The following PHACTR1 variants were observed in gnomAD, a reference collection of about 807,000 sequenced individuals.
PHACTR1 encodes the protein RPEL repeat containing 1.
In PHACTR1, 16 loss-of-function variants were observed where a neutral mutation model predicts 69.2. The observed-to-expected ratio is 0.23, with a 90% CI of 0.16 to 0.35. The LOEUF (loss-of-function observed/expected upper bound fraction) is 0.35, where lower values mean the gene tolerates loss of function less well. Ranked by LOEUF, PHACTR1 falls within the 10% of genes least tolerant of loss-of-function variation. PHACTR1 has a pLI of 1.00. For missense variants in PHACTR1, 510 were observed against 734.7 expected (o/e 0.69, Z 3.54); for synonymous variants, 312 against 284.5 (o/e 1.10, Z -0.97).
intron 3 of PHACTR1, among the ~76,000 whole-genome samples, chr6:12,738,770 A>G (rs1276269312): frequency 1.3e-5 from 2 of 152,164 alleles, no homozygotes; most frequent in African/African-American, 4.8e-5. Context: ...GGGCTGAGGC[A>G]GGAGAATCCC....
intron 10 of PHACTR1, among the ~76,000 whole-genome samples, chr6:13,264,648 G>A (rs535199082): frequency 6.6e-6 from 1 of 152,298 alleles, no homozygotes; most frequent in African/African-American, 2.4e-5. Flanking sequence ...GAACCTGGGA[G>A]GCAGAGGTTG....
At chr6:12,821,952 A>C (rs1374892687) in intron 4 of PHACTR1, among the ~76,000 whole-genome samples, 1 of 152,194 alleles carries the variant, frequency 6.6e-6, no homozygotes, top group Non-Finnish European at 1.5e-5. Context: ...CTTTGAAAGG[A>C]AACTTTGGGG....
At chr6:12,947,848 T>C (rs1042272182) in intron 4 of PHACTR1, among the ~76,000 whole-genome samples, 6 of 152,226 alleles carry the variant, frequency 3.9e-5, no homozygotes, top group Non-Finnish European at 8.8e-5. Flanking sequence ...TCTGAAAACT[T>C]TATGAGGCAG....
chr6:12,825,984 TG>T (rs1250864384), intron 4 of PHACTR1, among the ~76,000 whole-genome samples: 2 of 152,206 alleles, frequency 1.3e-5, no homozygotes, highest in Non-Finnish European at 2.9e-5. Flanking sequence ...ATTACAGTTT[TG>T]TTTGTATTTT....
intron 7 of PHACTR1, among the ~76,000 whole-genome samples, chr6:13,202,635 A>G (rs1765390029): frequency 6.6e-6 from 1 of 152,014 alleles, no homozygotes; most frequent in Non-Finnish European, 1.5e-5. Flanking sequence ...CTGCCACCAC[A>G]CCCAGCTAAT....
At chr6:12,971,259 A>C (rs1794162030) in intron 4 of PHACTR1, among the ~76,000 whole-genome samples, 1 of 152,156 alleles carries the variant, frequency 6.6e-6, no homozygotes, top group African/African-American at 2.4e-5. Flanking sequence ...CCGTAGGGTT[A>C]GTCTTTCTTT....
At chr6:12,778,322 G>T (rs1770355735) in intron 4 of PHACTR1, among the ~76,000 whole-genome samples, 1 of 152,204 alleles carries the variant, frequency 6.6e-6, no homozygotes. Context: ...TGTGGCAGAA[G>T]ATGTTGTTTG....
At chr6:12,726,157 C>G (rs1214484294) in intron 3 of PHACTR1, among the ~76,000 whole-genome samples, 1 of 152,098 alleles carries the variant, frequency 6.6e-6, no homozygotes, top group South Asian at 2.1e-4. Context: ...TAAGAATATA[C>G]AGCAGGGAAA....
chr6:13,146,563 G>A (rs956056798), intron 5 of PHACTR1, among the ~76,000 whole-genome samples: 1 of 152,116 alleles, frequency 6.6e-6, no homozygotes, highest in African/African-American at 2.4e-5. Flanking sequence ...AAAGCAAGCC[G>A]CCAAGCAGGC....
rs1168426666 is a variant in PHACTR1, at chr6:13,121,383, C to T, written c.416-38821C>T. Among the ~76,000 whole-genome samples the T allele has an allele frequency of 2.6e-5, 4 of 152,220 alleles. No individual in the cohort carries two copies. The East Asian group carries it at 7.7e-4, about 29-fold the overall frequency. ...CCCAATCACTTTCTGCCTCAGTTTT[C>T]CCCTCTGTAAAATGGTAATATAGTA... On this transcript the variant is annotated intron_variant, in intron 5 of 14. Coordinates refer to ENST00000332995, the MANE Select transcript of PHACTR1 (RefSeq NM_030948.6).
chr6:13,033,566 G>T (rs751532786), intron 4 of PHACTR1, among the ~76,000 whole-genome samples: 16 of 152,208 alleles, frequency 1.1e-4, no homozygotes, highest in Non-Finnish European at 2.2e-4. Context: ...AGAATTTAAG[G>T]CAACTGTATA....
chr6:12,737,304 G>A (rs1764392360), intron 3 of PHACTR1, among the ~76,000 whole-genome samples: 1 of 151,934 alleles, frequency 6.6e-6, no homozygotes, highest in Non-Finnish European at 1.5e-5. Context: ...CTATAGTATA[G>A]TTATAGGACC....
chr6:13,111,369 G>A (rs911336199), intron 5 of PHACTR1, among the ~76,000 whole-genome samples: 2 of 151,948 alleles, frequency 1.3e-5, no homozygotes, highest in Non-Finnish European at 2.9e-5. Flanking sequence ...TTATTGCTAT[G>A]CTTGAATTTG....
chr6:12,924,032 A>G (rs1437397206), intron 4 of PHACTR1, among the ~76,000 whole-genome samples: 1 of 152,238 alleles, frequency 6.6e-6, no homozygotes, highest in Non-Finnish European at 1.5e-5. Context: ...TAATTTACTA[A>G]TTCAATCTTG....
chr6:12,995,449 T>C (rs1165771594), intron 4 of PHACTR1, among the ~76,000 whole-genome samples: 3 of 151,670 alleles, frequency 2.0e-5, no homozygotes, highest in South Asian at 2.1e-4. Context: ...AATGAAACAA[T>C]AGGCAAATAT....
At chr6:13,058,511 G>C (rs1807138736) in intron 5 of PHACTR1, among the ~76,000 whole-genome samples, 4 of 152,144 alleles carry the variant, frequency 2.6e-5, no homozygotes, top group African/African-American at 9.7e-5. Flanking sequence ...ATAGCCATGA[G>C]CCAAACCAGA....
At chr6:13,091,988 C>T (rs1448467864) in intron 5 of PHACTR1, among the ~76,000 whole-genome samples, 3 of 152,060 alleles carry the variant, frequency 2.0e-5, no homozygotes, top group South Asian at 2.1e-4. Flanking sequence ...TTAGTAGAGA[C>T]GGGGTTTCAC....
In PHACTR1 at chr6:12,850,855, TTG is replaced by T. The variant is rs1407835521; in HGVS notation, c.250+101067_250+101068del. ...TCTTCTCTCCTTATAAGAACACCAATTGTATTGGATCAGGTCCCACCTTCATG... is the reference window on the plus strand; with the variant it reads ...TCTTCTCTCCTTATAAGAACACCAATTATTGGATCAGGTCCCACCTTCATG... On this transcript the variant is annotated intron_variant, in intron 4 of 14. Transcript: ENST00000332995. Among the ~76,000 whole-genome samples the T allele has an allele frequency of 3.5e-3, 529 of 152,272 alleles. 3 individuals carry two copies. The highest frequency in any genetic ancestry group is 0.011 in the African/African-American group (470 of 41,558).
At chr6:13,163,550 G>A (rs1295408559) in intron 6 of PHACTR1, among the ~76,000 whole-genome samples, 1 of 152,166 alleles carries the variant, frequency 6.6e-6, no homozygotes, top group Non-Finnish European at 1.5e-5. Context: ...GAAGAGACAG[G>A]CTAAAATGAA....
Sources: gnomAD v4.1 joint callset for allele counts (sites outside exome capture counted in the v4.1 genomes callset) on GRCh38, gnomAD v4.1.1 for gene constraint, MANE v1.5 for transcripts, NCBI Gene and HGNC (gene_info 2026-07-23, HGNC 2026-07-21) for gene names.